The following SNTG2 variants were observed in gnomAD, a reference collection of about 807,000 sequenced individuals.
SNTG2 encodes the protein syntrophin gamma 2, also known as gamma-2-syntrophin.
Under a neutral mutation model 70.9 loss-of-function variants are expected in SNTG2, and 74 were observed. That is an observed-to-expected ratio of 1.04 (90% confidence interval 0.86 to 1.27). The LOEUF (loss-of-function observed/expected upper bound fraction) is 1.27. SNTG2 is among the 50% of genes most tolerant of loss of function. The probability of loss-of-function intolerance (pLI) is 0.00; values close to 1 mark genes in which losing one functional copy is unlikely to be tolerated. For synonymous variants in SNTG2, 278 were observed against 273.8 expected, an observed-to-expected ratio of 1.02 and a Z score of -0.15; for missense variants, 717 against 690.7, an observed-to-expected ratio of 1.04 and a Z score of -0.43.
intron 8 of SNTG2, among the ~76,000 whole-genome samples, chr2:1,190,287 T>C: frequency 6.6e-6 from 1 of 151,936 alleles, no homozygotes; most frequent in South Asian, 2.1e-4. Flanking sequence ...CGTTCTCCCA[T>C]ATACTTTTAA....
Position 1,316,707 on chromosome 2 carries a change from C to CATTGGAGAAGGTTGGG in SNTG2, c.1488+335_1488+336insGGAGAAGGTTGGGATT, listed in dbSNP as rs1184169279. Among the ~76,000 whole-genome samples, 2 of 119,288 alleles carry CATTGGAGAAGGTTGGG rather than the reference C, an allele frequency of 1.7e-5. 1 individual carries two copies. Among genetic ancestry groups the CATTGGAGAAGGTTGGG allele is most frequent in the Non-Finnish European group, 3.7e-5 (2 of 53,516 alleles). The allele number at this position is 119,288 out of a possible 152,430, so 78.3% of individuals were successfully genotyped here. ...ACATTTCCTTTGAGCATCAGGCCAG[C>CATTGGAGAAGGTTGGG]ATTCGAGAAGGTTGGGATTCTGGAG... On this transcript the variant is annotated intron_variant, in intron 16 of 16. Coordinates refer to ENST00000308624, the MANE Select transcript of SNTG2 (RefSeq NM_018968.4).
At chr2:1,300,070 G>A (rs541714156) in intron 14 of SNTG2, among the ~76,000 whole-genome samples, 1 of 151,830 alleles carries the variant, frequency 6.6e-6, no homozygotes, top group African/African-American at 2.4e-5. Context: ...GTGCAAGAAG[G>A]GTGCCTTAAA....
chr2:1,130,782 T>G (rs1323849803), intron 4 of SNTG2, among the ~76,000 whole-genome samples: 1 of 152,142 alleles, frequency 6.6e-6, no homozygotes, highest in East Asian at 1.9e-4. Flanking sequence ...GAAGCATTTT[T>G]CATGGCCCTT....
At chr2:1,017,800 G>T (rs1659953497) in intron 1 of SNTG2, among the ~76,000 whole-genome samples, 1 of 152,204 alleles carries the variant, frequency 6.6e-6, no homozygotes, top group African/African-American at 2.4e-5. Context: ...TTAAAGGGTT[G>T]TCGTGAGGGC....
intron 15 of SNTG2, among the ~76,000 whole-genome samples, chr2:1,315,806 G>A (rs746380806): frequency 1.7e-4 from 26 of 152,150 alleles, no homozygotes; most frequent in Non-Finnish European, 3.1e-4. Context: ...CAGGATTAAA[G>A]TTTTTCATTT....
Position 951,011 on chromosome 2 carries a change from A to G in SNTG2, c.15A>G (p.Gly5=), listed in dbSNP as rs917450639. 7.1e-6 allele frequency: 9 copies of G among 1,259,622 alleles called. No homozygotes were observed. In the African/African-American group the frequency reaches 1.4e-4, roughly 20 times the overall value. 78.0% of individuals were successfully genotyped at this position (1,259,622 alleles called of 1,614,324 possible). The change falls in exon 1 of 17, where the codon GGA becomes GGG. Residue 5 remains glycine, a synonymous_variant. Transcript: ENST00000308624. ...CAGGGGCGGCGATGGGCACCGAGGG[A>G]CCCCCGCCCCCGGCCGCCTCCCGCG... MGTE[G]PPPPAASRGR...
intron 1 of SNTG2, among the ~76,000 whole-genome samples, chr2:953,546 T>C (rs1181257277): frequency 6.6e-6 from 1 of 152,238 alleles, no homozygotes; most frequent in African/African-American, 2.4e-5. Context: ...GCATCTGAGC[T>C]CCTAAGAAGG....
At chr2:1,174,511 G>A (rs189479735) in intron 8 of SNTG2, among the ~76,000 whole-genome samples, 9 of 152,204 alleles carry the variant, frequency 5.9e-5, no homozygotes, top group African/African-American at 2.2e-4. Flanking sequence ...TAAAAGAGGT[G>A]CAGCCATAAA....
intron 8 of SNTG2, 66 bp downstream of exon 8, chr2:1,173,249 T>G: frequency 2.2e-4 from 305 of 1,380,802 alleles, no homozygotes; most frequent in Non-Finnish European, 2.9e-4. Context: ...AGATAATCTC[T>G]AGACAGAATT....
intron 15 of SNTG2, among the ~76,000 whole-genome samples, chr2:1,312,553 G>A (rs775294610): frequency 6.6e-6 from 1 of 152,360 alleles, no homozygotes; most frequent in Admixed American, 6.5e-5. Context: ...CCAGGATGGA[G>A]CCTGGCCATA....
chr2:1,256,805 G>A (rs910029828), intron 12 of SNTG2, among the ~76,000 whole-genome samples: 1 of 152,128 alleles, frequency 6.6e-6, no homozygotes, highest in African/African-American at 2.4e-5. Context: ...CGTGTCAGCA[G>A]GGGGAAGCCG....
intron 14 of SNTG2, among the ~76,000 whole-genome samples, chr2:1,278,015 C>CA (rs1679339025): frequency 6.6e-6 from 1 of 152,246 alleles, no homozygotes; most frequent in Admixed American, 6.5e-5. Flanking sequence ...GTATTAACTT[C>CA]ACCACATTAC....
At chr2:1,251,615 CCACA>C (rs1019474976) in intron 12 of SNTG2, among the ~76,000 whole-genome samples, 3 of 148,230 alleles carry the variant, frequency 2.0e-5, no homozygotes, top group African/African-American at 7.5e-5. Context: ...CATGCACACA[CCACA>C]CACACCGCAC....
chr2:1,193,278 C>T (rs1389008342), intron 8 of SNTG2, among the ~76,000 whole-genome samples: 2 of 152,192 alleles, frequency 1.3e-5, no homozygotes, highest in Non-Finnish European at 2.9e-5. Flanking sequence ...TGAGTTTTCT[C>T]AGGTGGCAGG....
intron 1 of SNTG2, among the ~76,000 whole-genome samples, chr2:1,028,621 A>T (rs1360828823): frequency 6.6e-6 from 1 of 152,016 alleles, no homozygotes; most frequent in Non-Finnish European, 1.5e-5. Flanking sequence ...CTTCATGTGG[A>T]TCTATCTTTC....
chr2:1,323,420 AC>A (rs917083964), intron 16 of SNTG2, among the ~76,000 whole-genome samples: 1 of 149,060 alleles, frequency 6.7e-6, no homozygotes, highest in Non-Finnish European at 1.5e-5. Context: ...CATGGTTGAG[AC>A]CCCCCATAGG....
chr2:1,222,327 G>A (rs1017280783), intron 9 of SNTG2, among the ~76,000 whole-genome samples: 9 of 152,186 alleles, frequency 5.9e-5, no homozygotes, highest in South Asian at 2.1e-4. Context: ...TCTTTTCTTC[G>A]TATCCAAGCA....
intron 1 of SNTG2, among the ~76,000 whole-genome samples, chr2:1,025,356 A>C (rs1660419548): frequency 6.6e-6 from 1 of 152,188 alleles, no homozygotes; most frequent in Non-Finnish European, 1.5e-5. Flanking sequence ...TTCTGCATGC[A>C]GGAGATGGCT....
intron 11 of SNTG2, among the ~76,000 whole-genome samples, chr2:1,241,743 A>AT (rs1411298634): frequency 6.6e-6 from 1 of 152,208 alleles, no homozygotes; most frequent in Non-Finnish European, 1.5e-5. Context: ...TTGAAGGAGC[A>AT]TCTTCCAGAG....
Sources: gnomAD v4.1 joint callset for allele counts (sites outside exome capture counted in the v4.1 genomes callset) on GRCh38, gnomAD v4.1.1 for gene constraint, MANE v1.5 for transcripts, NCBI Gene and HGNC (gene_info 2026-07-23, HGNC 2026-07-21) for gene names.